The following PRKG1 variants were observed in gnomAD, a reference collection of about 807,000 sequenced individuals.
The protein encoded by PRKG1 is protein kinase cGMP-dependent 1, also known as cGMP-dependent protein kinase 1.
Under a neutral mutation model 88.1 loss-of-function variants are expected in PRKG1, and 35 were observed. That is an observed-to-expected ratio of 0.40 (90% CI 0.30 to 0.53). PRKG1 has a LOEUF of 0.53. Ranked by LOEUF, PRKG1 falls within the 20% of genes least tolerant of loss-of-function variation. The pLI, the probability that PRKG1 is intolerant of heterozygous loss-of-function variation, is 0.59. For missense variants in PRKG1, 540 were observed against 839.8 expected (o/e 0.64, Z 4.41); for synonymous variants, 303 against 292.5 (o/e 1.04, Z -0.37).
chr10:51,736,977 C>T (rs1837296909), intron 3 of PRKG1, among the ~76,000 whole-genome samples: 1 of 152,084 alleles, frequency 6.6e-6, no homozygotes, highest in Admixed American at 6.6e-5. Flanking sequence ...AAGTAAATTG[C>T]AGCTATCAGT....
chr10:51,950,370 G>A (rs972118661), intron 5 of PRKG1, among the ~76,000 whole-genome samples: 1 of 152,228 alleles, frequency 6.6e-6, no homozygotes, highest in African/African-American at 2.4e-5. Flanking sequence ...AATAAAACTT[G>A]TTTAAAATTA....
intron 4 of PRKG1, among the ~76,000 whole-genome samples, chr10:51,884,401 C>T (rs541238286): frequency 6.1e-4 from 76 of 124,000 alleles, no homozygotes; most frequent in African/African-American, 2.0e-3. Context: ...GTCGAGATCG[C>T]GCCACTGCAC....
At chr10:51,793,736 G>A (rs2132588760) in intron 3 of PRKG1, among the ~76,000 whole-genome samples, 1 of 152,208 alleles carries the variant, frequency 6.6e-6, no homozygotes, top group South Asian at 2.1e-4. Flanking sequence ...CATTCAAAGT[G>A]CTGAAGGAAA....
At chr10:51,662,959 G>A (rs1317127944) in intron 3 of PRKG1, among the ~76,000 whole-genome samples, 2 of 152,054 alleles carry the variant, frequency 1.3e-5, no homozygotes, top group Non-Finnish European at 2.9e-5. Flanking sequence ...AGACTTAGTA[G>A]GCTCTACTAG....
At chr10:51,493,410 A>G (rs1840762021) in intron 3 of PRKG1, among the ~76,000 whole-genome samples, 1 of 152,200 alleles carries the variant, frequency 6.6e-6, no homozygotes, top group Admixed American at 6.5e-5. Context: ...GTAAGTCATC[A>G]CTATTATCAT....
intron 4 of PRKG1, among the ~76,000 whole-genome samples, chr10:51,892,861 A>T (rs935574862): frequency 7.2e-5 from 11 of 152,206 alleles, no homozygotes; most frequent in Non-Finnish European, 2.9e-5. Flanking sequence ...ACTGGGAAGA[A>T]AATTGGGGAT....
At chr10:51,509,026 A>G (rs1841313622) in intron 3 of PRKG1, among the ~76,000 whole-genome samples, 1 of 152,208 alleles carries the variant, frequency 6.6e-6, no homozygotes, top group Admixed American at 6.5e-5. Context: ...TTAACACTAC[A>G]TGACAACTGC....
intron 2 of PRKG1, among the ~76,000 whole-genome samples, chr10:51,442,019 A>C (rs1378480165): frequency 6.6e-6 from 1 of 151,686 alleles, no homozygotes; most frequent in Non-Finnish European, 1.5e-5. Context: ...AGTTATCCGG[A>C]GTTATTTATA....
intron 3 of PRKG1, among the ~76,000 whole-genome samples, chr10:51,653,021 C>G (rs867772738): frequency 6.6e-6 from 1 of 152,198 alleles, no homozygotes; most frequent in African/African-American, 2.4e-5. Context: ...CAGGTGCATT[C>G]ATGTTGTCAC....
Position 51,919,092 on chromosome 10 carries a change from C to T in PRKG1, c.762+11522C>T, listed in dbSNP as rs1011029916. The stretch of plus-strand genomic sequence containing the variant: ...AGGAGATAATGTGGGTATTCAGTTC[C>T]AGGCCTCCCCAAGACCTTTGACTAC... On this transcript the variant is annotated intron_variant, in intron 5 of 17. Transcript: ENST00000373980. Among the ~76,000 whole-genome samples, 3 of 152,234 alleles carry T rather than the reference C, an allele frequency of 2.0e-5. No homozygotes were observed. In the South Asian group the frequency reaches 6.2e-4, roughly 32 times the overall value.
chr10:51,704,577 G>C (rs909512135), intron 3 of PRKG1, among the ~76,000 whole-genome samples: 4 of 152,196 alleles, frequency 2.6e-5, no homozygotes, highest in Non-Finnish European at 5.9e-5. Flanking sequence ...ATATGTTTTA[G>C]ATTATCAAGG....
At chr10:51,969,936 T>C (rs1392591549) in intron 5 of PRKG1, among the ~76,000 whole-genome samples, 1 of 151,628 alleles carries the variant, frequency 6.6e-6, no homozygotes, top group African/African-American at 2.4e-5. Flanking sequence ...AGAATACCTG[T>C]ATACTTACCA....
chr10:51,057,385 T>C (rs1428399506), intron 1 of PRKG1, among the ~76,000 whole-genome samples: 2 of 152,228 alleles, frequency 1.3e-5, no homozygotes, highest in African/African-American at 4.8e-5. Flanking sequence ...TTATTCTTAG[T>C]AAAATCAATA....
intron 9 of PRKG1, among the ~76,000 whole-genome samples, chr10:52,184,185 A>T (rs899470327): frequency 3.9e-5 from 6 of 152,224 alleles, no homozygotes; most frequent in African/African-American, 1.4e-4. Flanking sequence ...TATTCAAGAA[A>T]ATAAAAATGA....
chr10:51,833,397 G>C lies in PRKG1; in HGVS notation c.698+28707G>C, dbSNP rs560117539. 5.9e-5 allele frequency among the ~76,000 whole-genome samples: 9 copies of C among 152,250 alleles called. No homozygotes were observed. In the South Asian group the frequency reaches 1.9e-3, roughly 32 times the overall value. ...CAGTGCTTGCCAAGCTTATTGCATAGCTAGTTGTAAACTTCTAATTTTTCA... is the reference window on the plus strand; with the variant it reads ...CAGTGCTTGCCAAGCTTATTGCATACCTAGTTGTAAACTTCTAATTTTTCA... On this transcript the variant is annotated intron_variant, in intron 4 of 17. Transcript: ENST00000373980.
At chr10:51,532,739 G>A (rs181114685) in intron 3 of PRKG1, among the ~76,000 whole-genome samples, 1 of 152,238 alleles carries the variant, frequency 6.6e-6, no homozygotes, top group Admixed American at 6.5e-5. Context: ...GACCCCTGAG[G>A]ATCTTATCCC....
chr10:51,299,320 C>T (rs1210944644), intron 2 of PRKG1, among the ~76,000 whole-genome samples: 1 of 152,102 alleles, frequency 6.6e-6, no homozygotes, highest in African/African-American at 2.4e-5. Context: ...ATTCTCCTTC[C>T]TCAGCCTCCT....
intron 3 of PRKG1, among the ~76,000 whole-genome samples, chr10:51,475,217 C>T (rs1840157541): frequency 6.6e-6 from 1 of 151,980 alleles, no homozygotes; most frequent in Non-Finnish European, 1.5e-5. Flanking sequence ...ACTACCCATA[C>T]CTAATGTATG....
intron 3 of PRKG1, among the ~76,000 whole-genome samples, chr10:51,577,121 T>C (rs1401100316): frequency 4.6e-5 from 7 of 152,032 alleles, no homozygotes; most frequent in Admixed American, 4.6e-4. Flanking sequence ...TTCATATTGC[T>C]GTGAAAGTCA....
Sources: gnomAD v4.1 joint callset for allele counts (sites outside exome capture counted in the v4.1 genomes callset) on GRCh38, gnomAD v4.1.1 for gene constraint, MANE v1.5 for transcripts, NCBI Gene and HGNC (gene_info 2026-07-23, HGNC 2026-07-21) for gene names.